The following CALN1 variants were observed in gnomAD, a reference collection of about 807,000 sequenced individuals.
CALN1 encodes the protein calneuron 1, also known as calcium-binding protein 8.
In CALN1, 17 loss-of-function variants were observed where a neutral mutation model predicts 30.6. That is an observed-to-expected ratio of 0.56 (90% CI 0.38 to 0.83). The LOEUF is 0.83. Ranked by LOEUF, CALN1 falls within the 40% of genes least tolerant of loss-of-function variation. CALN1 has a pLI of 0.00. For synonymous variants in CALN1, 156 were observed against 131.4 expected (o/e 1.19, Z -1.28); for missense variants, 291 against 354.9 (o/e 0.82, Z 1.45).
chr7:72,089,592 G>A (rs962162904), intron 4 of CALN1, among the ~76,000 whole-genome samples: 1 of 152,072 alleles, frequency 6.6e-6, no homozygotes. Flanking sequence ...ATTCCTGGAA[G>A]GAAAAGAAAC....
At chr7:72,112,512 C>A (rs1270643321) in intron 3 of CALN1, among the ~76,000 whole-genome samples, 1 of 152,046 alleles carries the variant, frequency 6.6e-6, no homozygotes, top group East Asian at 1.9e-4. Context: ...CGAGGCTAGG[C>A]AAGGCAGTTA....
intron 2 of CALN1, among the ~76,000 whole-genome samples, chr7:72,305,965 C>A (rs1799620887): frequency 6.6e-6 from 1 of 152,038 alleles, no homozygotes. Flanking sequence ...TATGAGGGAC[C>A]CACCCTCAAG....
At chr7:72,178,024 C>T (rs1452932492) in intron 3 of CALN1, among the ~76,000 whole-genome samples, 1 of 152,122 alleles carries the variant, frequency 6.6e-6, no homozygotes, top group Admixed American at 6.5e-5. Context: ...AATCTGAGGC[C>T]TTTTATTACC....
intron 3 of CALN1, among the ~76,000 whole-genome samples, chr7:72,257,684 G>A (rs942352907): frequency 2.0e-5 from 3 of 152,140 alleles, no homozygotes; most frequent in East Asian, 1.9e-4. Flanking sequence ...AGCACAGTTC[G>A]CAACTGCAAA....
chr7:72,060,115 G>C (rs1803545586), intron 4 of CALN1, among the ~76,000 whole-genome samples: 1 of 152,136 alleles, frequency 6.6e-6, no homozygotes, highest in Non-Finnish European at 1.5e-5. Flanking sequence ...TTTGGCTTGA[G>C]GGGTAGGAAA....
intron 3 of CALN1, among the ~76,000 whole-genome samples, chr7:72,143,497 G>A (rs988046267): frequency 6.6e-6 from 1 of 152,196 alleles, no homozygotes; most frequent in African/African-American, 2.4e-5. Context: ...ATCTACGACT[G>A]ATTGGTGTAC....
At chr7:72,207,617 G>T (rs796965882) in intron 3 of CALN1, among the ~76,000 whole-genome samples, 13 of 138,950 alleles carry the variant, frequency 9.4e-5, no homozygotes, top group African/African-American at 3.3e-4. Context: ...CACCCATCCC[G>T]CTTACTTTCT....
chr7:71,877,412 C>A (rs1176931711), intron 5 of CALN1, among the ~76,000 whole-genome samples: 1 of 152,048 alleles, frequency 6.6e-6, no homozygotes, highest in Non-Finnish European at 1.5e-5. Context: ...ATTATCTTCT[C>A]ATTAAAAATG....
At chr7:72,049,859 G>C (rs1362079883) in intron 4 of CALN1, among the ~76,000 whole-genome samples, 1 of 147,534 alleles carries the variant, frequency 6.8e-6, no homozygotes, top group African/African-American at 2.5e-5. Context: ...ACCCAGGATA[G>C]AGTGCAGTGG....
chr7:72,358,801 T>TATTTGTACAA (rs1803391380), intron 2 of CALN1, among the ~76,000 whole-genome samples: 1 of 151,826 alleles, frequency 6.6e-6, no homozygotes, highest in African/African-American at 2.4e-5. Flanking sequence ...ATACAAAAAT[T>TATTTGTACAA]AGCTGGGCAT....
intron 4 of CALN1, among the ~76,000 whole-genome samples, chr7:72,095,513 T>C (rs1286994222): frequency 1.3e-5 from 2 of 152,156 alleles, no homozygotes; most frequent in Admixed American, 1.3e-4. Flanking sequence ...TTTTCTTTAG[T>C]TGTTCTTCAC....
chr7:72,083,211 G>T (rs1027286323), intron 4 of CALN1, among the ~76,000 whole-genome samples: 1 of 151,906 alleles, frequency 6.6e-6, no homozygotes, highest in Non-Finnish European at 1.5e-5. Context: ...AAAAAAAGAT[G>T]CAAGAAAGTG....
intron 5 of CALN1, among the ~76,000 whole-genome samples, chr7:71,940,968 C>T (rs1449395371): frequency 3.9e-5 from 6 of 152,060 alleles, no homozygotes; most frequent in Admixed American, 1.3e-4. Context: ...TATATCCAGT[C>T]GATGTCTAAG....
chr7:72,358,599 G>A lies in CALN1; in HGVS notation c.119+44652C>T, dbSNP rs773776750. Among the ~76,000 whole-genome samples, 81 of 152,108 alleles carry A rather than the reference G, an allele frequency of 5.3e-4. 1 individual carries two copies. Among genetic ancestry groups the A allele is most frequent in the African/African-American group, 1.8e-3 (74 of 41,424 alleles). On this transcript the variant is annotated intron_variant, in intron 2 of 6. Coordinates refer to ENST00000395275, the MANE Select transcript of CALN1 (RefSeq NM_031468.4). ...CCAACTTCGGAGAGAGAAGAAAAGC[G>A]CAATTTGTGAATTCCCCTCAAGCCC...
At chr7:72,209,197 C>A (rs1420075595) in intron 3 of CALN1, among the ~76,000 whole-genome samples, 6 of 109,286 alleles carry the variant, frequency 5.5e-5, no homozygotes, top group African/African-American at 2.4e-4. Flanking sequence ...TCTTTCCTTC[C>A]CTCCTTCCCT....
intron 5 of CALN1, among the ~76,000 whole-genome samples, chr7:71,870,649 A>C (rs1791869470): frequency 6.6e-6 from 1 of 152,168 alleles, no homozygotes; most frequent in Admixed American, 6.5e-5. Context: ...TACTTTTATA[A>C]TTAGGAGAAC....
chr7:71,895,804 T>A (rs1157756164), intron 5 of CALN1, among the ~76,000 whole-genome samples: 2 of 152,228 alleles, frequency 1.3e-5, no homozygotes, highest in African/African-American at 2.4e-5. Context: ...TGCTTGACTC[T>A]AGCTGAGAAT....
intron 2 of CALN1, among the ~76,000 whole-genome samples, chr7:72,394,213 C>T (rs1237630860): frequency 3.9e-5 from 6 of 152,162 alleles, no homozygotes; most frequent in African/African-American, 1.2e-4. Flanking sequence ...TCAAGCACTT[C>T]CTTTCTGTCA....
intron 3 of CALN1, among the ~76,000 whole-genome samples, chr7:72,251,481 C>T (rs1156270396): frequency 6.6e-6 from 1 of 152,044 alleles, no homozygotes; most frequent in African/African-American, 2.4e-5. Flanking sequence ...TCACTGCAGC[C>T]TCAACCTCCC....
Sources: allele counts gnomAD v4.1 joint callset (sites outside exome capture counted in the v4.1 genomes callset), GRCh38; gene constraint gnomAD v4.1.1; transcripts MANE v1.5; gene names NCBI Gene and HGNC (gene_info 2026-07-23, HGNC 2026-07-21).